Variants in ATP9B observed in about 807,000 individuals in gnomAD.
ATP9B encodes ATPase phospholipid transporting 9B.
Under a neutral mutation model 146.1 loss-of-function variants are expected in ATP9B, and 110 were observed. That is an observed-to-expected ratio of 0.75 (90% CI 0.65 to 0.88). The LOEUF is 0.88. ATP9B is among the 40% of genes least tolerant of loss of function. The probability of loss-of-function intolerance (pLI) is 0.00; values close to 1 mark genes in which losing one functional copy is unlikely to be tolerated. For missense variants in ATP9B, 1,499 were observed against 1,496.4 expected, an observed-to-expected ratio of 1.00 and a Z score of -0.03; for synonymous variants, 604 against 569.7, an observed-to-expected ratio of 1.06 and a Z score of -0.86.
At chr18:79,283,473 G>A (rs2096400905) in intron 13 of ATP9B, among the ~76,000 whole-genome samples, 2 of 152,308 alleles carry the variant, frequency 1.3e-5, no homozygotes, top group South Asian at 2.1e-4. Flanking sequence ...GATAAGAAGC[G>A]TCCATCACAG....
intron 9 of ATP9B, among the ~76,000 whole-genome samples, chr18:79,203,535 C>T (rs2095507576): frequency 6.6e-6 from 1 of 152,182 alleles, no homozygotes; most frequent in Non-Finnish European, 1.5e-5. Context: ...AAAAGAATTT[C>T]ATGAGTGTTC....
chr18:79,099,524 A>G (rs1195589698), intron 2 of ATP9B, among the ~76,000 whole-genome samples: 1 of 152,058 alleles, frequency 6.6e-6, no homozygotes, highest in Non-Finnish European at 1.5e-5. Flanking sequence ...CCTGGGCCCA[A>G]ATATTTTCTA....
chr18:79,217,852 G>A (rs1051328978), intron 11 of ATP9B, among the ~76,000 whole-genome samples: 1 of 152,178 alleles, frequency 6.6e-6, no homozygotes, highest in African/African-American at 2.4e-5. Flanking sequence ...AACATGTACA[G>A]GGGAAATCTC....
At chr18:79,154,005 C>G (rs1387662043) in intron 6 of ATP9B, among the ~76,000 whole-genome samples, 1 of 142,188 alleles carries the variant, frequency 7.0e-6, no homozygotes, top group Non-Finnish European at 1.5e-5. Context: ...GTCACCCAGG[C>G]TGGAGTGCAG....
At position 79,347,783 on chromosome 18, in the gene ATP9B, C is replaced by A; in HGVS notation, c.2696C>A (p.Ala899Asp). ...IGIEGKEGKQASLAADFSITQ... is the reference protein window; with the variant it reads ...IGIEGKEGKQDSLAADFSITQ... Reference sequence around the variant, plus strand: ...CTTTTCTCTCAGGAGGGTAAACAGGCCTCGCTGGCGGCCGACTTCTCCATC... The same window carrying A: ...CTTTTCTCTCAGGAGGGTAAACAGGACTCGCTGGCGGCCGACTTCTCCATC... Residue 899 changes from alanine (A) to aspartate (D), a missense_variant, in exon 24 of 30, where the codon GCC becomes GAC. Coordinates refer to ENST00000426216, the MANE Select transcript of ATP9B (RefSeq NM_198531.5). 6.3e-7 allele frequency: 1 copy of A among 1,582,022 alleles called. No homozygotes were observed. Among genetic ancestry groups the A allele is most frequent in the Admixed American group, 1.8e-5 (1 of 55,980 alleles).
intron 11 of ATP9B, among the ~76,000 whole-genome samples, chr18:79,251,947 A>G (rs1369533692): frequency 6.6e-6 from 1 of 152,250 alleles, no homozygotes; most frequent in African/African-American, 2.4e-5. Flanking sequence ...CTAATGTCAC[A>G]TAGATCAGAA....
chr18:79,238,259 G>C (rs1244042597), intron 11 of ATP9B, among the ~76,000 whole-genome samples: 2 of 144,620 alleles, frequency 1.4e-5, no homozygotes, highest in African/African-American at 5.1e-5. Flanking sequence ...TTTTTTGAAT[G>C]AGAACATTGG....
Position 79,307,163 on chromosome 18 carries a change from A to T in ATP9B, c.1702A>T (p.Thr568Ser), listed in dbSNP as rs757836628. The T allele has an allele frequency of 6.2e-7, 1 of 1,614,174 alleles. No homozygotes were observed. The highest frequency in any genetic ancestry group is 1.1e-5 in the South Asian group (1 of 91,080). Residue 568 changes from threonine to serine, a missense_variant, in exon 15 of 30, where the codon ACT (threonine) becomes TCT (serine). Thr to Ser is a moderately conservative substitution (Grantham distance 58). Transcript: ENST00000426216. The part of the protein sequence containing the change: ...YESRAGVTEE[T>S]EFAEADQDFS... ...GTCTCGGGCCGGCGTTACTGAGGAG[A>T]CTGAGTTCGCAGAGGCTGACCAAGA...
rs190735190 is a variant in ATP9B at position 79,221,590 on chromosome 18, G to A, written c.1107+7552G>A. Among the ~76,000 whole-genome samples the A allele has an allele frequency of 1.2e-3, 179 of 151,854 alleles. 2 individuals carry two copies. The highest frequency in any genetic ancestry group is 0.011 in the Admixed American group (166 of 15,280). ...ACAAAAATTAGCCGGGCGTGGTGGCGTGTGCCTGTATTCCCAGCTACGCAA... is the reference window on the plus strand; with the variant it reads ...ACAAAAATTAGCCGGGCGTGGTGGCATGTGCCTGTATTCCCAGCTACGCAA... On this transcript the variant is annotated intron_variant, in intron 11 of 29. Coordinates refer to ENST00000426216, the MANE Select transcript of ATP9B (RefSeq NM_198531.5).
At chr18:79,097,434 G>A (rs1052696046) in intron 2 of ATP9B, among the ~76,000 whole-genome samples, 2 of 148,874 alleles carry the variant, frequency 1.3e-5, no homozygotes, top group Non-Finnish European at 3.0e-5. Context: ...TAATTCTTCA[G>A]TGTGTATTTT....
At chr18:79,104,255 A>G (rs1386705284) in intron 2 of ATP9B, among the ~76,000 whole-genome samples, 1 of 152,144 alleles carries the variant, frequency 6.6e-6, no homozygotes, top group Non-Finnish European at 1.5e-5. Flanking sequence ...CCAGGCCGTT[A>G]GGTGATTTTT....
chr18:79,265,992 G>T (rs2096199872), intron 12 of ATP9B, among the ~76,000 whole-genome samples: 1 of 152,090 alleles, frequency 6.6e-6, no homozygotes, highest in South Asian at 2.1e-4. Context: ...TATTGAATAG[G>T]GAGTCCTTTT....
In ATP9B at chr18:79,277,074, T is replaced by C. The variant is rs1193584368; in HGVS notation, c.1289T>C (p.Met430Thr). ...GGCAGTTTGCGTGTGAACTTGGACA[T>C]GGGCAAAGCGGTGTATGGATGGATG... ...IPISLRVNLD[M>T]GKAVYGWMMM... is the part of the protein sequence containing the mutation. The change falls in exon 13 of 30, where the codon ATG becomes ACG. Residue 430 changes from methionine to threonine, a missense_variant. By Grantham distance (81) the Met-to-Thr change is moderately conservative. Coordinates refer to ENST00000426216, the MANE Select transcript of ATP9B (RefSeq NM_198531.5). 2.5e-6 allele frequency: 4 copies of C among 1,614,166 alleles called. No homozygotes were observed. Among genetic ancestry groups the C allele is most frequent in the Middle Eastern group, 1.6e-4 (1 of 6,062 alleles).
intron 12 of ATP9B, among the ~76,000 whole-genome samples, chr18:79,271,545 A>G (rs894065050): frequency 2.6e-5 from 4 of 152,286 alleles, no homozygotes; most frequent in Admixed American, 2.0e-4. Context: ...AGCTTCATCC[A>G]TGTCCCTACA....
intron 2 of ATP9B, among the ~76,000 whole-genome samples, chr18:79,099,077 C>T (rs1373901236): frequency 2.0e-5 from 3 of 152,088 alleles, no homozygotes; most frequent in African/African-American, 7.2e-5. Flanking sequence ...GACTTTAACT[C>T]GCTTTTCTTT....
intron 10 of ATP9B, 99 bp downstream of exon 10, chr18:79,207,111 A>G (rs550436062): frequency 8.6e-6 from 10 of 1,160,184 alleles, no homozygotes; most frequent in South Asian, 4.0e-5. Context: ...AGTGCCCTGA[A>G]ATATTTAGGG....
intron 11 of ATP9B, among the ~76,000 whole-genome samples, chr18:79,231,591 G>T (rs1378696832): frequency 6.6e-6 from 1 of 151,982 alleles, no homozygotes; most frequent in South Asian, 2.1e-4. Flanking sequence ...ATTCCTTAAA[G>T]AACTAAAAGT....
At chr18:79,121,083 G>T (rs1041833019) in intron 4 of ATP9B, among the ~76,000 whole-genome samples, 9 of 152,188 alleles carry the variant, frequency 5.9e-5, no homozygotes, top group African/African-American at 2.2e-4. Flanking sequence ...TAGGATTTTT[G>T]TGATATTTAA....
intron 8 of ATP9B, among the ~76,000 whole-genome samples, 173 bp from the exon 9 acceptor site, chr18:79,193,010 T>A (rs1472982228): frequency 6.6e-6 from 1 of 152,210 alleles, no homozygotes; most frequent in Non-Finnish European, 1.5e-5. Context: ...TAAAAATGGT[T>A]TCTTTCTTTA....
Sources: allele counts gnomAD v4.1 joint callset (sites outside exome capture counted in the v4.1 genomes callset), GRCh38; gene constraint gnomAD v4.1.1; transcripts MANE v1.5; gene names NCBI Gene and HGNC (gene_info 2026-07-23, HGNC 2026-07-21).